The following VPS35L variants were observed in gnomAD, a reference collection of about 807,000 sequenced individuals.
VPS35L encodes VPS35 endosomal protein sorting factor like, also known as VPS35 endosomal protein-sorting factor-like.
VPS35L carries 83 observed loss-of-function variants against 133.0 expected under a neutral mutation model. The ratio of observed to expected loss-of-function variants is 0.62; its 90% CI spans 0.52 to 0.75. The LOEUF is 0.75. Among genes scored for constraint, VPS35L ranks in the 30% least tolerant of loss-of-function variants. The pLI is 0.00. For synonymous variants in VPS35L, 423 were observed against 449.9 expected, an observed-to-expected ratio of 0.94 and a Z score of 0.76; for missense variants, 1,083 against 1,206.8, an observed-to-expected ratio of 0.90 and a Z score of 1.52.
intron 17 of VPS35L, 97 bp from the exon 18 acceptor site, chr16:19,629,670 T>C: frequency 2.0e-6 from 2 of 1,019,578 alleles, no homozygotes; most frequent in Non-Finnish European, 3.0e-6. Flanking sequence ...GAAATTCCCG[T>C]TTCCAACCAT....
rs570064774 is a variant in VPS35L, at chr16:19,610,449, G to A, written c.1023+34G>A. ...TGCGAGTCACTGCCCTTGACGGCAC[G>A]GCTGCCACCCGTCTCCTTGAATGTT... On this transcript the variant is annotated intron_variant, in intron 12 of 30. Transcript: ENST00000417362. The A allele has an allele frequency of 1.6e-4, 242 of 1,553,634 alleles. 2 individuals carry two copies. In the East Asian group the frequency reaches 4.5e-3, roughly 29 times the overall value.
At chr16:19,601,224 C>T (rs1320930781) in intron 8 of VPS35L, among the ~76,000 whole-genome samples, 4 of 152,148 alleles carry the variant, frequency 2.6e-5, no homozygotes, top group African/African-American at 9.7e-5. Flanking sequence ...CCACTATGCC[C>T]AGCCTCTTCC....
intron 11 of VPS35L, 119 bp downstream of exon 11, chr16:19,609,140 G>A: frequency 1.2e-6 from 1 of 828,072 alleles, no homozygotes; most frequent in Non-Finnish European, 2.0e-6. Context: ...TGTGTGTTAA[G>A]CACCTTCTGT....
chr16:19,690,618 G>T (rs951476933), intron 28 of VPS35L, among the ~76,000 whole-genome samples: 1 of 152,124 alleles, frequency 6.6e-6, no homozygotes, highest in African/African-American at 2.4e-5. Context: ...TCCCAGCTAG[G>T]ACCACCTCTG....
intron 22 of VPS35L, among the ~76,000 whole-genome samples, chr16:19,643,449 C>T (rs11859061): frequency 0.31 from 47,177 of 151,970 alleles, 7,627 homozygotes; most frequent in East Asian, 0.34. Context: ...TATTGTTCTC[C>T]CAGTCTATCT....
At position 19,564,890 on chromosome 16, in the gene VPS35L, A is replaced by G. The variant is rs1971138690; in HGVS notation, c.57A>G (p.Ser19=). 8.1e-6 allele frequency: 13 copies of G among 1,613,600 alleles called. No homozygotes were observed. Among genetic ancestry groups the G allele is most frequent in the African/African-American group, 1.3e-5 (1 of 75,024 alleles). The change falls in exon 2 of 31, where the codon TCA becomes TCG. Residue 19 remains serine (S), a synonymous_variant. Transcript: ENST00000417362. ...RNRNYKAEFA[S]CRLEAVPLEF... is the part of the protein sequence containing the mutation. ...GGAACTACAAAGCTGAATTTGCATCATGCCGACTGGAGGCTGTACCATTGG... is the reference window on the plus strand; with the variant it reads ...GGAACTACAAAGCTGAATTTGCATCGTGCCGACTGGAGGCTGTACCATTGG...
In VPS35L at chr16:19,699,517, A is replaced by G. The variant is rs747856441; in HGVS notation, c.2662A>G (p.Ser888Gly). The change falls in exon 30 of 31, where the codon AGC becomes GGC. Residue 888 changes from serine to glycine, a missense_variant. Physicochemically the swap from Ser to Gly is moderately conservative, Grantham distance 56 (BLOSUM62 0). Coordinates refer to ENST00000417362, the MANE Select transcript of VPS35L (RefSeq NM_020314.7). This position sits in a 1 kb window ranked among gnomAD's most constrained non-coding sequence, Gnocchi z 4.2. ...TCTGTTTCAGGCCCTGAAGCGCCAGAGCTCGTTGGGCCTTTCCTTCTTTAA... is the reference window on the plus strand; with the variant it reads ...TCTGTTTCAGGCCCTGAAGCGCCAGGGCTCGTTGGGCCTTTCCTTCTTTAA... ...LAKDEALKRQSSLGLSFFNSI... is the reference protein window; with the variant it reads ...LAKDEALKRQGSLGLSFFNSI... The G allele has an allele frequency of 6.2e-7, 1 of 1,614,146 alleles. No homozygotes were observed. The highest frequency in any genetic ancestry group is 1.1e-5 in the South Asian group (1 of 91,082).
chr16:19,580,238 C>T (rs1052673528), intron 6 of VPS35L, among the ~76,000 whole-genome samples: 18 of 151,532 alleles, frequency 1.2e-4, no homozygotes, highest in Non-Finnish European at 2.4e-4. Flanking sequence ...CTCAGCCTCC[C>T]GAGTAACTGG....
intron 7 of VPS35L, chr16:19,587,491 T>G (rs1597332618): frequency 3.3e-6 from 1 of 299,736 alleles, no homozygotes; most frequent in South Asian, 2.5e-5. Context: ...TAGCTGTGTG[T>G]GGTGGTGCAT....
At chr16:19,682,141 G>A (rs1975301863) in intron 27 of VPS35L, 84 bp from the exon 28 acceptor site, 5 of 1,442,522 alleles carry the variant, frequency 3.5e-6, no homozygotes, top group Non-Finnish European at 4.8e-6. Context: ...TGCTGCGGGA[G>A]GATCTGGGCT....
In VPS35L at chr16:19,616,208, A is replaced by G; in HGVS notation, c.1101+17A>G. Reference sequence around the variant, plus strand: ...TTCAAACAGGTAAGAGAACACTATCAGAATAGCTCATCGATATAACAGTTC... The same window carrying G: ...TTCAAACAGGTAAGAGAACACTATCGGAATAGCTCATCGATATAACAGTTC... On this transcript the variant is annotated intron_variant, in intron 13 of 30. Coordinates refer to ENST00000417362, the MANE Select transcript of VPS35L (RefSeq NM_020314.7). 1 of 1,584,194 alleles carries G rather than the reference A, an allele frequency of 6.3e-7. No individual in the cohort carries two copies. The highest frequency in any genetic ancestry group is 8.7e-7 in the Non-Finnish European group (1 of 1,153,972).
chr16:19,634,595 GATAA>G (rs1187846636), intron 19 of VPS35L, among the ~76,000 whole-genome samples: 2 of 152,140 alleles, frequency 1.3e-5, no homozygotes, highest in African/African-American at 4.8e-5. Flanking sequence ...ATGCTGAATA[GATAA>G]ATAGATGAGC....
intron 26 of VPS35L, among the ~76,000 whole-genome samples, chr16:19,661,640 A>C (rs1287052546): frequency 6.6e-6 from 1 of 152,098 alleles, no homozygotes; most frequent in Non-Finnish European, 1.5e-5. Flanking sequence ...CTGAAGTCTG[A>C]CTCATTTCAT....
At chr16:19,585,737 A>G (rs1245616440) in intron 7 of VPS35L, among the ~76,000 whole-genome samples, 1 of 151,504 alleles carries the variant, frequency 6.6e-6, no homozygotes, top group Admixed American at 6.6e-5. Flanking sequence ...CTACTATCCT[A>G]GTGGGTTTGA....
chr16:19,606,989 A>G (rs537577198), intron 9 of VPS35L, among the ~76,000 whole-genome samples: 1 of 152,244 alleles, frequency 6.6e-6, no homozygotes, highest in East Asian at 1.9e-4. Flanking sequence ...AGTATAAAAC[A>G]TCCAGTGGTG....
intron 28 of VPS35L, among the ~76,000 whole-genome samples, chr16:19,687,244 C>T (rs1975494815): frequency 6.6e-6 from 1 of 152,196 alleles, no homozygotes; most frequent in East Asian, 1.9e-4. Flanking sequence ...TTCTCCATTG[C>T]TGGGCTGTTC....
chr16:19,691,509 C>G, intron 29 of VPS35L, 38 bp downstream of exon 29: 1 of 1,527,526 alleles, frequency 6.5e-7, no homozygotes, highest in South Asian at 1.1e-5. Context: ...GCCCCTTGCT[C>G]TGAAAGCACA....
intron 5 of VPS35L, among the ~76,000 whole-genome samples, chr16:19,576,115 A>G (rs1361641574): frequency 6.6e-6 from 1 of 150,586 alleles, no homozygotes; most frequent in Non-Finnish European, 1.5e-5. Flanking sequence ...GCAGTGAGCC[A>G]AGATCGTGCC....
Position 19,682,333 on chromosome 16 carries a change from G to C in VPS35L, c.2470G>C (p.Val824Leu), listed in dbSNP as rs531081300. The C allele has an allele frequency of 2.5e-6, 4 of 1,614,096 alleles. No individual in the cohort carries two copies. The highest frequency in any genetic ancestry group is 3.4e-6 in the Non-Finnish European group (4 of 1,180,018). The part of the protein sequence containing the change: ...SDEKIRIYTC[V>L]LHLLSAMSQE... ...TGAGAAAATCCGCATCTACACCTGC[G>C]TCCTGCATCTCCTCTCCGCCATGAG... The change falls in exon 28 of 31, where the codon GTC (valine) becomes CTC (leucine). Residue 824 changes from valine (V) to leucine (L), a missense_variant. By Grantham distance (32) the Val-to-Leu change is conservative. Transcript: ENST00000417362.
Sources: allele counts gnomAD v4.1 joint callset (sites outside exome capture counted in the v4.1 genomes callset), GRCh38; gene constraint gnomAD v4.1.1; non-coding constraint Gnocchi (gnomAD v3.1); transcripts MANE v1.5; gene names NCBI Gene and HGNC (gene_info 2026-07-23, HGNC 2026-07-21).